Variants in OPA1 observed in about 807,000 individuals in gnomAD.
The protein encoded by OPA1 is OPA1 mitochondrial dynamin like GTPase.
A neutral mutation model predicts 152.9 loss-of-function variants in OPA1; 59 were observed. The observed-to-expected ratio is 0.39, with a 90% CI of 0.31 to 0.48. The LOEUF is 0.48. Among genes scored for constraint, OPA1 ranks in the 20% least tolerant of loss-of-function variants. OPA1 has a pLI of 0.96. For synonymous variants in OPA1, 400 were observed against 389.9 expected, an observed-to-expected ratio of 1.03 and a Z score of -0.31; for missense variants, 1,008 against 1,216.8, an observed-to-expected ratio of 0.83 and a Z score of 2.55.
chr3:193,668,436 T>G (rs1437299360), intron 29 of OPA1: 1 of 1,550,706 alleles, frequency 6.4e-7, no homozygotes, highest in East Asian at 2.4e-5. Flanking sequence ...AGGTTGCTCT[T>G]CGTCATGGAG....
rs576335277 is a variant in OPA1, at chr3:193,600,123, G to A, written c.32+6714G>A. On this transcript the variant is annotated intron_variant, in intron 1 of 30. Coordinates refer to ENST00000361510, the MANE Select transcript of OPA1 (RefSeq NM_130837.3). Reference sequence around the variant, plus strand: ...CGTCCACAAGGACTCAAATATAAAAGTACGGAGTCCTCTTCGGGCCATATT... The same window carrying A: ...CGTCCACAAGGACTCAAATATAAAAATACGGAGTCCTCTTCGGGCCATATT... 7.9e-5 allele frequency among the ~76,000 whole-genome samples: 12 copies of A among 152,346 alleles called. No homozygotes were observed. The South Asian group carries it at 1.0e-3, about 13-fold the overall frequency.
chr3:193,594,537 G>T (rs530515965), intron 1 of OPA1, among the ~76,000 whole-genome samples: 19 of 152,270 alleles, frequency 1.2e-4, no homozygotes, highest in African/African-American at 3.6e-4. Flanking sequence ...ACAGGCACGC[G>T]CCAGCACGCC....
At chr3:193,667,534 G>A (rs144826614) in intron 29 of OPA1, 67 of 423,910 alleles carry the variant, frequency 1.6e-4, no homozygotes, top group Non-Finnish European at 2.6e-4. Context: ...AGCCAGGTGT[G>A]GTGGTGGGTG....
intron 28 of OPA1, 57 bp from the exon 29 acceptor site, chr3:193,667,113 A>C: frequency 1.2e-6 from 1 of 826,998 alleles, no homozygotes. Flanking sequence ...TAATTTTATC[A>C]TCTTTATTCA....
Position 193,692,051 on chromosome 3 carries a change from T to C in OPA1, c.2984-12T>C. The stretch of plus-strand genomic sequence containing the variant: ...GAAAAATAAATGTTTTTCTTTATTT[T>C]TATCTCCACAGAGAAAGTTAGAGAA... On this transcript the variant is annotated splice_polypyrimidine_tract_variant and intron_variant, in intron 29 of 30. Transcript: ENST00000361510. 1 of 1,438,774 alleles carries C rather than the reference T, an allele frequency of 7.0e-7. No individual in the cohort carries two copies. 89.1% of individuals were successfully genotyped at this position (1,438,774 alleles called of 1,614,324 possible).
At chr3:193,669,736 G>T (rs867128073) in intron 29 of OPA1, among the ~76,000 whole-genome samples, 2 of 152,134 alleles carry the variant, frequency 1.3e-5, no homozygotes, top group Non-Finnish European at 2.9e-5. Context: ...TAAGTGATTG[G>T]AAAATCATAA....
In OPA1 at chr3:193,658,887, A is replaced by C. The variant is rs748036480; in HGVS notation, c.2332A>C (p.Arg778=). ...CTTTTTCTCTTCTTGTTATTTTCAGAGGGTTATTCAACACAATGCTTTGGA... is the reference window on the plus strand; with the variant it reads ...CTTTTTCTCTTCTTGTTATTTTCAGCGGGTTATTCAACACAATGCTTTGGA... The part of the protein sequence containing the change: ...KWNDFAEDSL[R]VIQHNALEDR... The change falls in exon 24 of 31, where the codon AGG becomes CGG. Residue 778 remains arginine (R), a splice_region_variant and synonymous_variant. Coordinates refer to ENST00000361510, the MANE Select transcript of OPA1 (RefSeq NM_130837.3). The C allele has an allele frequency of 5.6e-6, 9 of 1,608,378 alleles. No homozygotes were observed. Among genetic ancestry groups the C allele is most frequent in the Non-Finnish European group, 7.7e-6 (9 of 1,174,844 alleles).
rs751315330 is a variant in OPA1 at position 193,615,787 on chromosome 3, T to C, written c.448+17T>C. On this transcript the variant is annotated intron_variant, in intron 3 of 30. Transcript: ENST00000361510. The stretch of plus-strand genomic sequence containing the variant: ...TCGATTTTGGTTTGTATCATGAACA[T>C]TAAAATACTTTTTTTGGTCATCTCG... The C allele has an allele frequency of 3.5e-6, 5 of 1,415,844 alleles. No homozygotes were observed. The Admixed American group carries it at 5.0e-5, about 14-fold the overall frequency. 87.7% of individuals were successfully genotyped at this position (1,415,844 alleles called of 1,614,324 possible).
In OPA1 at chr3:193,696,593, G is replaced by A. The variant is rs1204334242; in HGVS notation, c.*1993G>A. 6.6e-6 allele frequency: 1 copy of A among 152,078 alleles called. No homozygotes were observed. Among genetic ancestry groups the A allele is most frequent in the African/African-American group, 2.4e-5 (1 of 41,386 alleles). 9.4% of individuals were successfully genotyped at this position (152,078 alleles called of 1,614,324 possible). ...AGCTAGGTATTTATCAACTGCAGAT[G>A]TTATTGAAAGAAAATAAAATTCAGT... On this transcript the variant is annotated 3_prime_UTR_variant, in exon 31 of 31. Transcript: ENST00000361510.
chr3:193,608,267 C>T (rs1412392429), intron 1 of OPA1, among the ~76,000 whole-genome samples: 1 of 152,124 alleles, frequency 6.6e-6, no homozygotes, highest in Non-Finnish European at 1.5e-5. Context: ...TTTGCTCTTG[C>T]TTCTCTAGTT....
chr3:193,612,374 C>G (rs1728389596), intron 1 of OPA1, among the ~76,000 whole-genome samples: 1 of 145,112 alleles, frequency 6.9e-6, no homozygotes, highest in African/African-American at 2.6e-5. Flanking sequence ...AAAGAAGGAA[C>G]AGTCCGAGTT....
At chr3:193,596,356 C>CTTAT (rs1560301509) in intron 1 of OPA1, among the ~76,000 whole-genome samples, 1 of 135,198 alleles carries the variant, frequency 7.4e-6, no homozygotes, top group Non-Finnish European at 1.6e-5. Flanking sequence ...CTTTTCTTTT[C>CTTAT]TTTTCTTAAT....
At chr3:193,618,703 G>A (rs965588584) in intron 5 of OPA1, 166 bp from the exon 6 acceptor site, 2 of 632,710 alleles carry the variant, frequency 3.2e-6, no homozygotes, top group Non-Finnish European at 5.6e-6. Flanking sequence ...TTCTGCACAG[G>A]TTATCAGTCA....
intron 6 of OPA1, among the ~76,000 whole-genome samples, chr3:193,620,822 T>C (rs1304270408): frequency 2.6e-5 from 4 of 152,222 alleles, no homozygotes; most frequent in African/African-American, 9.6e-5. Context: ...CTGTTACTTG[T>C]GATGCTTGAG....
chr3:193,629,675 AAG>A (rs1731761214), intron 7 of OPA1, among the ~76,000 whole-genome samples: 2 of 151,070 alleles, frequency 1.3e-5, no homozygotes, highest in South Asian at 2.1e-4. Context: ...AAAAAGAAAA[AAG>A]AAATTATATT....
At chr3:193,615,166 G>A (rs1336765237) in intron 2 of OPA1, 125 bp downstream of exon 2, 8 of 780,990 alleles carry the variant, frequency 1.0e-5, no homozygotes, top group Non-Finnish European at 1.5e-5. Flanking sequence ...TCTCTACCAT[G>A]GACTAGATTG....
chr3:193,644,145 A>C lies in OPA1; in HGVS notation c.1608+40A>C. 3.7e-6 allele frequency: 6 copies of C among 1,609,908 alleles called. No homozygotes were observed. In the East Asian group the frequency reaches 1.3e-4, roughly 36 times the overall value. ...TTTGTTGCGAGAATAGATTCTTTGTAAAAGCTCCAGCTGTGATAGGGATTT... is the reference window on the plus strand; with the variant it reads ...TTTGTTGCGAGAATAGATTCTTTGTCAAAGCTCCAGCTGTGATAGGGATTT... On this transcript the variant is annotated intron_variant, in intron 16 of 30. Coordinates refer to ENST00000361510, the MANE Select transcript of OPA1 (RefSeq NM_130837.3).
At chr3:193,646,310 A>G (rs1734603158) in intron 18 of OPA1, among the ~76,000 whole-genome samples, 1 of 152,232 alleles carries the variant, frequency 6.6e-6, no homozygotes, top group Non-Finnish European at 1.5e-5. Flanking sequence ...TTAGTACGGT[A>G]AGTCAAGATA....
rs1230059294 is a variant in OPA1, at chr3:193,626,222, G to A, written c.789+20G>A. Reference sequence around the variant, plus strand: ...CGCAAGGTGATGGATGGTTTAAGGGGGCTACCGATACATTCACACTAATCA... The same window carrying A: ...CGCAAGGTGATGGATGGTTTAAGGGAGCTACCGATACATTCACACTAATCA... On this transcript the variant is annotated intron_variant, in intron 7 of 30. Transcript: ENST00000361510. The A allele has an allele frequency of 6.4e-7, 1 of 1,557,202 alleles. No individual in the cohort carries two copies. Among genetic ancestry groups the A allele is most frequent in the African/African-American group, 1.4e-5 (1 of 73,774 alleles).
Sources: allele counts gnomAD v4.1 joint callset (sites outside exome capture counted in the v4.1 genomes callset), GRCh38; gene constraint gnomAD v4.1.1; transcripts MANE v1.5; gene names NCBI Gene and HGNC (gene_info 2026-07-23, HGNC 2026-07-21).